The following HTR1F variants were observed in gnomAD, a reference collection of about 807,000 sequenced individuals.
HTR1F encodes 5-hydroxytryptamine (serotonin) receptor 1F, G protein-coupled.
In HTR1F, 17 loss-of-function variants were observed where a neutral mutation model predicts 24.0. The observed-to-expected ratio is 0.71, with a 90% CI of 0.48 to 1.06. The LOEUF is 1.06. HTR1F is among the 50% of genes least tolerant of loss of function. The pLI is 0.00. For missense variants in HTR1F, 391 were observed against 427.8 expected, an observed-to-expected ratio of 0.91 and a Z score of 0.76; for synonymous variants, 186 against 156.8, an observed-to-expected ratio of 1.19 and a Z score of -1.39.
rs1222545598 is a variant in HTR1F, at chr3:87,960,109, G to C, written c.-42-30599G>C. Among the ~76,000 whole-genome samples, 7 of 151,612 alleles carry C rather than the reference G, an allele frequency of 4.6e-5. No individual in the cohort carries two copies. In the East Asian group the frequency reaches 1.4e-3, roughly 29 times the overall value. On this transcript the variant is annotated intron_variant, in intron 2 of 2. Coordinates refer to ENST00000319595, the MANE Select transcript of HTR1F (RefSeq NM_001322209.2). ...CTAGGTAGTGTTTTAAAATCCCAAC[G>C]CCTCTGCCATACCCCAATCAATTAA... is the stretch of plus-strand genomic sequence containing the variant.
intron 2 of HTR1F, among the ~76,000 whole-genome samples, chr3:87,921,071 A>G (rs543806485): frequency 2.6e-5 from 4 of 151,940 alleles, no homozygotes; most frequent in Non-Finnish European, 4.4e-5. Context: ...TTTCATTATA[A>G]CTGGAGAAAT....
chr3:87,937,394 A>G (rs1358945202), intron 2 of HTR1F, among the ~76,000 whole-genome samples: 1 of 152,218 alleles, frequency 6.6e-6, no homozygotes, highest in Non-Finnish European at 1.5e-5. Context: ...GTAGATGCAG[A>G]AAAGGCTTTT....
At chr3:87,934,805 A>G (rs1704371892) in intron 2 of HTR1F, among the ~76,000 whole-genome samples, 1 of 152,202 alleles carries the variant, frequency 6.6e-6, no homozygotes, top group Admixed American at 6.5e-5. Context: ...TCACAGCCTA[A>G]GAAGTACGGA....
intron 2 of HTR1F, among the ~76,000 whole-genome samples, chr3:87,865,373 T>C (rs1466654248): frequency 6.6e-6 from 1 of 152,128 alleles, no homozygotes; most frequent in Non-Finnish European, 1.5e-5. Context: ...TTGATGAATT[T>C]TTCTCAAGAT....
At chr3:87,871,501 C>G (rs1303677792) in intron 2 of HTR1F, among the ~76,000 whole-genome samples, 1 of 152,032 alleles carries the variant, frequency 6.6e-6, no homozygotes, top group African/African-American at 2.4e-5. Flanking sequence ...TGTGAAGAAA[C>G]AATATCTGAC....
intron 1 of HTR1F, among the ~76,000 whole-genome samples, chr3:87,795,361 T>C (rs1458783036): frequency 1.3e-5 from 2 of 152,236 alleles, no homozygotes; most frequent in East Asian, 1.9e-4. Context: ...TTTTTGAATT[T>C]GATTAACTTT....
At chr3:87,835,921 A>T (rs180819408) in intron 2 of HTR1F, among the ~76,000 whole-genome samples, 10 of 152,306 alleles carry the variant, frequency 6.6e-5, no homozygotes, top group Non-Finnish European at 1.5e-4. Flanking sequence ...AGACCCTTGC[A>T]TTAGCTGTAG....
In HTR1F at chr3:87,939,960, T is replaced by G. The variant is rs1265315110; in HGVS notation, c.-42-50748T>G. On this transcript the variant is annotated intron_variant, in intron 2 of 2. Coordinates refer to ENST00000319595, the MANE Select transcript of HTR1F (RefSeq NM_001322209.2). ...AGTTCTTTTAATTGTAATGTTAGGGTGATGATTTTAGATCTTTCCTGCATT... is the reference window on the plus strand; with the variant it reads ...AGTTCTTTTAATTGTAATGTTAGGGGGATGATTTTAGATCTTTCCTGCATT... 3.3e-5 allele frequency among the ~76,000 whole-genome samples: 5 copies of G among 152,316 alleles called. No homozygotes were observed. The South Asian group carries it at 1.0e-3, about 32-fold the overall frequency.
At chr3:87,922,622 T>C (rs1368659303) in intron 2 of HTR1F, among the ~76,000 whole-genome samples, 4 of 152,020 alleles carry the variant, frequency 2.6e-5, no homozygotes, top group Non-Finnish European at 4.4e-5. Context: ...CAGCATTTAC[T>C]TTATGTTTTC....
chr3:87,815,761 T>C (rs1704239144), intron 1 of HTR1F, among the ~76,000 whole-genome samples: 1 of 152,122 alleles, frequency 6.6e-6, no homozygotes, highest in Non-Finnish European at 1.5e-5. Flanking sequence ...TTGATTACTA[T>C]AGATGCCAAC....
intron 2 of HTR1F, among the ~76,000 whole-genome samples, chr3:87,835,496 T>TA (rs1704665987): frequency 6.6e-6 from 1 of 152,194 alleles, no homozygotes; most frequent in African/African-American, 2.4e-5. Flanking sequence ...TTAAAGAATC[T>TA]ATCTGAACCC....
intron 2 of HTR1F, among the ~76,000 whole-genome samples, chr3:87,851,835 T>C (rs1705092774): frequency 6.6e-6 from 1 of 151,598 alleles, no homozygotes; most frequent in African/African-American, 2.4e-5. Context: ...TATAAGAATG[T>C]ACATTTCTTA....
intron 2 of HTR1F, among the ~76,000 whole-genome samples, chr3:87,888,148 G>C (rs1705998880): frequency 6.6e-6 from 1 of 150,582 alleles, no homozygotes; most frequent in Non-Finnish European, 1.5e-5. Context: ...CATAAAAAAA[G>C]ATGAGTTCAT....
At chr3:87,965,380 T>C (rs979188882) in intron 2 of HTR1F, among the ~76,000 whole-genome samples, 1 of 152,148 alleles carries the variant, frequency 6.6e-6, no homozygotes, top group Non-Finnish European at 1.5e-5. Context: ...CCTATCATTT[T>C]TTGCACAATT....
At chr3:87,931,960 G>A (rs1704284642) in intron 2 of HTR1F, among the ~76,000 whole-genome samples, 1 of 152,072 alleles carries the variant, frequency 6.6e-6, no homozygotes, top group African/African-American at 2.4e-5. Context: ...TGTCAGATGA[G>A]TGGGTTGCAA....
intron 2 of HTR1F, among the ~76,000 whole-genome samples, chr3:87,988,733 T>A (rs1705735810): frequency 1.3e-5 from 2 of 148,626 alleles, no homozygotes; most frequent in African/African-American, 4.9e-5. Context: ...CAAGCCCCAA[T>A]AATTTTTTTT....
chr3:87,909,306 G>T (rs1262860796), intron 2 of HTR1F, among the ~76,000 whole-genome samples: 2 of 152,018 alleles, frequency 1.3e-5, no homozygotes, highest in East Asian at 1.9e-4. Flanking sequence ...TTGGTGGTTT[G>T]TCACCACAGT....
chr3:87,947,976 A>G (rs1204521593), intron 2 of HTR1F, among the ~76,000 whole-genome samples: 2 of 152,180 alleles, frequency 1.3e-5, no homozygotes, highest in Non-Finnish European at 2.9e-5. Flanking sequence ...TTAAAAATGT[A>G]TTAAACCACT....
At chr3:87,906,076 T>C (rs1286271819) in intron 2 of HTR1F, among the ~76,000 whole-genome samples, 2 of 152,076 alleles carry the variant, frequency 1.3e-5, no homozygotes, top group Non-Finnish European at 2.9e-5. Flanking sequence ...TGTGCATTAT[T>C]TTACAGTAAA....
Sources: allele counts gnomAD v4.1 joint callset (sites outside exome capture counted in the v4.1 genomes callset), GRCh38; gene constraint gnomAD v4.1.1; transcripts MANE v1.5; gene names NCBI Gene and HGNC (gene_info 2026-07-23, HGNC 2026-07-21).